Variants in SV2C observed in about 807,000 individuals in gnomAD.
SV2C encodes the protein synaptic vesicle glycoprotein 2C.
In SV2C, 49 loss-of-function variants were observed where a neutral mutation model predicts 79.7. The observed-to-expected ratio is 0.61, with a 90% CI of 0.49 to 0.78. The LOEUF (loss-of-function observed/expected upper bound fraction) is 0.78, where lower values mean the gene tolerates loss of function less well. Among genes scored for constraint, SV2C ranks in the 30% least tolerant of loss-of-function variants. The pLI is 0.00. For synonymous variants in SV2C, 334 were observed against 333.2 expected (o/e 1.00, Z -0.03); for missense variants, 833 against 912.9 (o/e 0.91, Z 1.13).
At chr5:75,914,172 G>A in the SV2C span, among the ~76,000 whole-genome samples, 1 of 152,056 alleles carries the variant, frequency 6.6e-6, no homozygotes, top group African/African-American at 2.4e-5. Flanking sequence ...AGGATTTAAA[G>A]CCTCCTGCAA....
chr5:76,220,636 A>G (rs1745040504), intron 4 of SV2C, among the ~76,000 whole-genome samples: 1 of 149,138 alleles, frequency 6.7e-6, no homozygotes, highest in Non-Finnish European at 1.5e-5. Flanking sequence ...AAAAAAAAAA[A>G]GAATTGACTA....
chr5:75,985,398 C>T, the SV2C span, among the ~76,000 whole-genome samples: 5 of 151,908 alleles, frequency 3.3e-5, no homozygotes, highest in African/African-American at 1.2e-4. Flanking sequence ...AAACCGTATC[C>T]AACCCATAGC....
the SV2C span, among the ~76,000 whole-genome samples, chr5:76,048,965 G>GAGAAAGAAAAAGAA: frequency 1.7e-5 from 1 of 58,164 alleles, no homozygotes; most frequent in African/African-American, 7.1e-5. Context: ...GAAAGAAAAA[G>GAGAAAGAAAAAGAA]AGAAAGAAAG....
intron 12 of SV2C, among the ~76,000 whole-genome samples, chr5:76,307,680 G>C (rs977936551): frequency 6.6e-6 from 1 of 152,094 alleles, no homozygotes; most frequent in Non-Finnish European, 1.5e-5. Flanking sequence ...AGTTCCGCAG[G>C]TCCCTGATTT....
chr5:76,123,054 G>A (rs528392334), intron 1 of SV2C, among the ~76,000 whole-genome samples: 22 of 152,164 alleles, frequency 1.4e-4, no homozygotes, highest in African/African-American at 4.6e-4. Context: ...TATCACCACC[G>A]ATCCCACAGA....
At chr5:76,103,873 A>G (rs1747820284) in intron 1 of SV2C, among the ~76,000 whole-genome samples, 1 of 152,248 alleles carries the variant, frequency 6.6e-6, no homozygotes, top group South Asian at 2.1e-4. Flanking sequence ...TTATGAGGAC[A>G]GTGTTACTTT....
chr5:75,883,579 T>A, the SV2C span, among the ~76,000 whole-genome samples: 1 of 146,294 alleles, frequency 6.8e-6, no homozygotes, highest in African/African-American at 2.7e-5. Context: ...CAGTAAACTA[T>A]CGCAAGAACA....
intron 12 of SV2C, among the ~76,000 whole-genome samples, chr5:76,345,249 C>T (rs1464256490): frequency 6.6e-6 from 1 of 152,246 alleles, no homozygotes; most frequent in African/African-American, 2.4e-5. Context: ...CCTCACAGAG[C>T]TTCCACCTGG....
chr5:76,098,118 T>C (rs1747626482), intron 1 of SV2C, among the ~76,000 whole-genome samples: 1 of 152,156 alleles, frequency 6.6e-6, no homozygotes, highest in Admixed American at 6.5e-5. Context: ...TCAACAACTG[T>C]GGGAGATGCC....
intron 4 of SV2C, among the ~76,000 whole-genome samples, chr5:76,246,933 C>G (rs1457802308): frequency 6.6e-6 from 1 of 152,094 alleles, no homozygotes; most frequent in Non-Finnish European, 1.5e-5. Flanking sequence ...GAAATGGAAG[C>G]CATGGATGGA....
intron 1 of SV2C, among the ~76,000 whole-genome samples, chr5:76,088,764 T>C (rs979516841): frequency 6.6e-6 from 1 of 152,120 alleles, no homozygotes; most frequent in Non-Finnish European, 1.5e-5. Flanking sequence ...CAATTCTGTT[T>C]ATGAAGCTCA....
the SV2C span, among the ~76,000 whole-genome samples, chr5:76,007,479 G>A: frequency 6.6e-6 from 1 of 151,980 alleles, no homozygotes; most frequent in Non-Finnish European, 1.5e-5. Context: ...TCTTAGTTGG[G>A]GCTCTGGCAT....
intron 6 of SV2C, among the ~76,000 whole-genome samples, chr5:76,286,249 C>A (rs1747353870): frequency 6.6e-6 from 1 of 152,082 alleles, no homozygotes. Context: ...GGTTCAGTAC[C>A]CGAGGACAAG....
intron 4 of SV2C, among the ~76,000 whole-genome samples, chr5:76,246,576 G>A (rs1038010963): frequency 1.3e-5 from 2 of 152,112 alleles, no homozygotes; most frequent in Non-Finnish European, 2.9e-5. Context: ...AACTGTGTAA[G>A]TAGGCACCTT....
chr5:75,852,405 G>T, the SV2C span, among the ~76,000 whole-genome samples: 1 of 152,002 alleles, frequency 6.6e-6, no homozygotes, highest in Non-Finnish European at 1.5e-5. Context: ...AGTCCTAAAG[G>T]CTACCAGAGG....
intron 1 of SV2C, among the ~76,000 whole-genome samples, chr5:76,117,659 C>T (rs922549925): frequency 6.6e-6 from 1 of 152,020 alleles, no homozygotes; most frequent in African/African-American, 2.4e-5. Flanking sequence ...GGAATTTTTT[C>T]TCTTATAAAA....
At chr5:76,034,612 G>A in the SV2C span, among the ~76,000 whole-genome samples, 9 of 152,298 alleles carry the variant, frequency 5.9e-5, no homozygotes, top group Non-Finnish European at 1.0e-4. Context: ...CTTGATCATG[G>A]TGGATAAGCT....
the SV2C span, among the ~76,000 whole-genome samples, chr5:75,883,845 A>C: frequency 1.4e-5 from 2 of 143,928 alleles, no homozygotes. Context: ...AATAATATTT[A>C]AAAAAAAAAC....
chr5:75,943,201 T>G, the SV2C span, among the ~76,000 whole-genome samples: 1 of 151,736 alleles, frequency 6.6e-6, no homozygotes, highest in Non-Finnish European at 1.5e-5. Context: ...TTCATGGGAG[T>G]GTGGGTGAAG....
Sources: gnomAD v4.1 joint callset for allele counts (sites outside exome capture counted in the v4.1 genomes callset) on GRCh38, gnomAD v4.1.1 for gene constraint, MANE v1.5 for transcripts, NCBI Gene and HGNC (gene_info 2026-07-23, HGNC 2026-07-21) for gene names.